PLCXD3: variants seen among roughly 807,000 people sequenced by gnomAD.
The protein encoded by PLCXD3 is PI-PLC X domain-containing protein 3.
Under a neutral mutation model 25.5 loss-of-function variants are expected in PLCXD3, and 19 were observed. The observed-to-expected ratio is 0.75, with a 90% CI of 0.52 to 1.09. The LOEUF is 1.09. Ranked by LOEUF, PLCXD3 falls within the 50% of genes least tolerant of loss-of-function variation. The probability of loss-of-function intolerance (pLI) is 0.00; values close to 1 mark genes in which losing one functional copy is unlikely to be tolerated. For missense variants in PLCXD3, 411 were observed against 388.1 expected, an observed-to-expected ratio of 1.06 and a Z score of -0.50; for synonymous variants, 174 against 137.6, an observed-to-expected ratio of 1.26 and a Z score of -1.85.
chr5:41,371,399 C>A (rs1745091560), intron 2 of PLCXD3, among the ~76,000 whole-genome samples: 1 of 152,134 alleles, frequency 6.6e-6, no homozygotes, highest in Non-Finnish European at 1.5e-5. Flanking sequence ...ATAAGGTCAC[C>A]ACCTCTCTTG....
chr5:41,430,393 G>T (rs891357866), intron 1 of PLCXD3, among the ~76,000 whole-genome samples: 1 of 152,124 alleles, frequency 6.6e-6, no homozygotes, highest in African/African-American at 2.4e-5. Context: ...ATAAAGAATT[G>T]ACCTGTCTGT....
At chr5:41,467,797 C>T (rs993010330) in intron 1 of PLCXD3, among the ~76,000 whole-genome samples, 17 of 152,078 alleles carry the variant, frequency 1.1e-4, no homozygotes, top group African/African-American at 4.1e-4. Flanking sequence ...TTTCCCGACA[C>T]CATTAATTGA....
chr5:41,478,081 A>G (rs771078996), intron 1 of PLCXD3, among the ~76,000 whole-genome samples: 2 of 152,186 alleles, frequency 1.3e-5, no homozygotes, highest in African/African-American at 2.4e-5. Context: ...CCCTCATCTC[A>G]TGATAGGCTG....
intron 1 of PLCXD3, among the ~76,000 whole-genome samples, chr5:41,496,187 G>A (rs1748833311): frequency 6.6e-6 from 1 of 151,676 alleles, no homozygotes; most frequent in African/African-American, 2.4e-5. Flanking sequence ...AAAGAAAAAA[G>A]AATAAAACAG....
At chr5:41,447,809 G>C (rs1747538636) in intron 1 of PLCXD3, among the ~76,000 whole-genome samples, 1 of 152,196 alleles carries the variant, frequency 6.6e-6, no homozygotes, top group Non-Finnish European at 1.5e-5. Context: ...AATAAAACTA[G>C]CGTAAACCTT....
intron 2 of PLCXD3, among the ~76,000 whole-genome samples, chr5:41,349,459 T>C (rs1402909280): frequency 1.3e-5 from 2 of 152,200 alleles, no homozygotes; most frequent in Non-Finnish European, 2.9e-5. Flanking sequence ...CTTTAAACTT[T>C]TCCTTGTATT....
chr5:41,466,979 C>T (rs1237223257), intron 1 of PLCXD3, among the ~76,000 whole-genome samples: 1 of 152,090 alleles, frequency 6.6e-6, no homozygotes, highest in Non-Finnish European at 1.5e-5. Flanking sequence ...TAGGTTGATT[C>T]TATATCTTCG....
At chr5:41,403,109 T>G (rs1464158579) in intron 1 of PLCXD3, among the ~76,000 whole-genome samples, 1 of 152,014 alleles carries the variant, frequency 6.6e-6, no homozygotes, top group African/African-American at 2.4e-5. Context: ...TGAATCATTC[T>G]CAGAATTCTA....
At chr5:41,510,386 G>C (rs1254099353) in intron 1 of PLCXD3, 38 bp downstream of exon 1, 16 of 1,539,470 alleles carry the variant, frequency 1.0e-5, no homozygotes, top group Non-Finnish European at 1.4e-5. Context: ...AGGTGGAGCG[G>C]GCGCCGAGCG....
intron 2 of PLCXD3, among the ~76,000 whole-genome samples, chr5:41,333,024 G>T (rs1350633461): frequency 6.6e-6 from 1 of 151,982 alleles, no homozygotes; most frequent in African/African-American, 2.4e-5. Context: ...CAGCACACCA[G>T]CATGGCACAT....
intron 1 of PLCXD3, among the ~76,000 whole-genome samples, chr5:41,485,775 C>CT (rs1182101301): frequency 3.3e-5 from 5 of 152,172 alleles, no homozygotes; most frequent in Non-Finnish European, 7.3e-5. Context: ...ACACTACTGA[C>CT]TTACAGTCAG....
chr5:41,496,008 A>G (rs1748828901), intron 1 of PLCXD3, among the ~76,000 whole-genome samples: 1 of 152,100 alleles, frequency 6.6e-6, no homozygotes, highest in African/African-American at 2.4e-5. Flanking sequence ...AAAAATAAAA[A>G]CTTCATCAAA....
At chr5:41,422,980 T>C (rs535498036) in intron 1 of PLCXD3, among the ~76,000 whole-genome samples, 10 of 152,212 alleles carry the variant, frequency 6.6e-5, no homozygotes, top group African/African-American at 2.2e-4. Flanking sequence ...TCTCTTCTAT[T>C]CTTAATTTTC....
chr5:41,485,119 T>C (rs1748490850), intron 1 of PLCXD3, among the ~76,000 whole-genome samples: 1 of 152,190 alleles, frequency 6.6e-6, no homozygotes, highest in South Asian at 2.1e-4. Context: ...TTCACACCAA[T>C]TATTTCATTT....
intron 1 of PLCXD3, among the ~76,000 whole-genome samples, chr5:41,461,478 C>T (rs553966777): frequency 6.6e-6 from 1 of 152,064 alleles, no homozygotes; most frequent in African/African-American, 2.4e-5. Context: ...TTTTTCTCTC[C>T]TCCATAAAGT....
intron 2 of PLCXD3, among the ~76,000 whole-genome samples, chr5:41,342,829 G>A (rs1744189429): frequency 6.6e-6 from 1 of 152,050 alleles, no homozygotes; most frequent in African/African-American, 2.4e-5. Flanking sequence ...ATTTTAATAA[G>A]CTGAAAATGC....
chr5:41,481,504 C>T (rs561901025), intron 1 of PLCXD3, among the ~76,000 whole-genome samples: 2 of 152,346 alleles, frequency 1.3e-5, no homozygotes, highest in South Asian at 2.1e-4. Context: ...ACCTCTGAAA[C>T]AACTTCCTTT....
chr5:41,489,693 T>C (rs954653475), intron 1 of PLCXD3, among the ~76,000 whole-genome samples: 1 of 152,120 alleles, frequency 6.6e-6, no homozygotes, highest in Non-Finnish European at 1.5e-5. Context: ...TTTGAAGCAA[T>C]TGTGTGTGAA....
intron 1 of PLCXD3, among the ~76,000 whole-genome samples, chr5:41,423,306 G>GT (rs1255325563): frequency 6.6e-6 from 1 of 151,936 alleles, no homozygotes; most frequent in Non-Finnish European, 1.5e-5. Flanking sequence ...TTAGAATAAA[G>GT]TTTTTTTATG....
Sources: allele counts gnomAD v4.1 joint callset (sites outside exome capture counted in the v4.1 genomes callset), GRCh38; gene constraint gnomAD v4.1.1; transcripts MANE v1.5; gene names NCBI Gene and HGNC (gene_info 2026-07-23, HGNC 2026-07-21).